SRBD1: variants seen among roughly 807,000 people sequenced by gnomAD.
SRBD1 encodes the protein S1 RNA binding domain 1.
In SRBD1, 88 loss-of-function variants were observed where a neutral mutation model predicts 115.3. The ratio of observed to expected loss-of-function variants is 0.76; its 90% CI spans 0.64 to 0.91. SRBD1 has a LOEUF of 0.91. Ranked by LOEUF, SRBD1 falls within the 40% of genes least tolerant of loss-of-function variation. The probability of loss-of-function intolerance (pLI) is 0.00; values close to 1 mark genes in which losing one functional copy is unlikely to be tolerated. For synonymous variants in SRBD1, 509 were observed against 407.7 expected (o/e 1.25, Z -2.99); for missense variants, 1,385 against 1,177.4 (o/e 1.18, Z -2.58).
intron 16 of SRBD1, among the ~76,000 whole-genome samples, chr2:45,460,813 G>C (rs1280765693): frequency 1.3e-5 from 2 of 152,210 alleles, no homozygotes; most frequent in South Asian, 2.1e-4. Context: ...CTGAAAGTTT[G>C]AGAGGCCCAA....
Position 45,562,750 on chromosome 2 carries a change from C to A in SRBD1, c.1312G>T (p.Ala438Ser). 1 of 1,603,584 alleles carries A rather than the reference C, an allele frequency of 6.2e-7. No individual in the cohort carries two copies. Among genetic ancestry groups the A allele is most frequent in the Admixed American group, 1.7e-5 (1 of 57,204 alleles). Residue 438 changes from alanine to serine, a missense_variant, in exon 10 of 21, where the codon GCA (alanine) becomes TCA (serine). Ala to Ser is a moderately conservative substitution (Grantham distance 99). Transcript: ENST00000263736. ...IRNIHHHQIL[A>S]INRGENLKVL... ...TTCAAATTTTCTCCACGGTTAATTGCCAGAATCTGAGTGCAAACATAAGGC... is the reference window on the plus strand; with the variant it reads ...TTCAAATTTTCTCCACGGTTAATTGACAGAATCTGAGTGCAAACATAAGGC...
chr2:45,533,833 T>C (rs1305490363), intron 14 of SRBD1, among the ~76,000 whole-genome samples: 1 of 152,106 alleles, frequency 6.6e-6, no homozygotes, highest in East Asian at 1.9e-4. Context: ...ACATCTGTTT[T>C]GGTTATAATA....
At chr2:45,505,146 C>A (rs151036191) in intron 14 of SRBD1, among the ~76,000 whole-genome samples, 4 of 152,294 alleles carry the variant, frequency 2.6e-5, no homozygotes, top group African/African-American at 4.8e-5. Flanking sequence ...CAAATGCCCT[C>A]AGCCTCTTCC....
chr2:45,430,469 G>A (rs1333595251), intron 16 of SRBD1, among the ~76,000 whole-genome samples: 1 of 152,080 alleles, frequency 6.6e-6, no homozygotes, highest in Non-Finnish European at 1.5e-5. Flanking sequence ...GAACAAAAAA[G>A]AACCCTCAGC....
intron 19 of SRBD1, among the ~76,000 whole-genome samples, chr2:45,410,207 A>T (rs1667558141): frequency 6.6e-6 from 1 of 152,208 alleles, no homozygotes; most frequent in Non-Finnish European, 1.5e-5. Flanking sequence ...CTTTCCACAC[A>T]CATTAGAATG....
At chr2:45,489,705 T>A (rs1670234440) in intron 14 of SRBD1, among the ~76,000 whole-genome samples, 1 of 152,134 alleles carries the variant, frequency 6.6e-6, no homozygotes, top group African/African-American at 2.4e-5. Flanking sequence ...AGGTTCCATT[T>A]TGGGGATAAG....
intron 14 of SRBD1, among the ~76,000 whole-genome samples, chr2:45,545,974 T>C (rs1672107791): frequency 6.6e-6 from 1 of 152,246 alleles, no homozygotes; most frequent in Non-Finnish European, 1.5e-5. Context: ...CTTTTAGTTA[T>C]TAGTTTTCTC....
chr2:45,474,074 C>T (rs555683701), intron 16 of SRBD1, among the ~76,000 whole-genome samples: 5 of 152,266 alleles, frequency 3.3e-5, no homozygotes, highest in Admixed American at 6.5e-5. Context: ...CATTTTAATC[C>T]TGATAATTAC....
intron 11 of SRBD1, among the ~76,000 whole-genome samples, 194 bp downstream of exon 11, chr2:45,553,429 A>G (rs1374773449): frequency 6.6e-6 from 1 of 152,230 alleles, no homozygotes; most frequent in Non-Finnish European, 1.5e-5. Context: ...ATCATAATTA[A>G]GAACTATTTT....
Position 45,393,123 on chromosome 2 carries a change from C to T in SRBD1, c.2520G>A (p.Leu840=), listed in dbSNP as rs1451910183. The part of the protein sequence containing the change: ...PESYDIAMRF[L]SSIGGTLYEV... ...CATACAGTGTCCCTCCAATGGATGA[C>T]AAAAACCTGCAGTGGAAAAAATAAA... The change falls in exon 20 of 21, where the codon TTG becomes TTA. Residue 840 remains leucine (L), a synonymous_variant. Coordinates refer to ENST00000263736, the MANE Select transcript of SRBD1 (RefSeq NM_018079.5). 1 of 1,599,394 alleles carries T rather than the reference C, an allele frequency of 6.3e-7. No individual in the cohort carries two copies. The highest frequency in any genetic ancestry group is 8.5e-7 in the Non-Finnish European group (1 of 1,175,034).
At chr2:45,445,112 G>C (rs994070768) in intron 16 of SRBD1, among the ~76,000 whole-genome samples, 1 of 152,152 alleles carries the variant, frequency 6.6e-6, no homozygotes, top group Non-Finnish European at 1.5e-5. Flanking sequence ...ATTTAAGAGT[G>C]ACAATTGTCT....
intron 16 of SRBD1, among the ~76,000 whole-genome samples, chr2:45,438,754 G>A (rs1418462656): frequency 1.3e-5 from 2 of 152,076 alleles, no homozygotes; most frequent in African/African-American, 4.8e-5. Context: ...AGATCACAAT[G>A]CACAACTATA....
intron 19 of SRBD1, among the ~76,000 whole-genome samples, chr2:45,402,961 T>C (rs1467480841): frequency 6.6e-6 from 1 of 152,184 alleles, no homozygotes; most frequent in Admixed American, 6.6e-5. Flanking sequence ...AGGCTGTTTC[T>C]GGGTCTCATT....
intron 3 of SRBD1, among the ~76,000 whole-genome samples, chr2:45,600,693 A>C (rs1674065521): frequency 6.6e-6 from 1 of 152,172 alleles, no homozygotes; most frequent in Non-Finnish European, 1.5e-5. Flanking sequence ...AGTGTGAAGA[A>C]ATGAGACTTG....
At chr2:45,479,678 G>A (rs1669904063) in intron 15 of SRBD1, among the ~76,000 whole-genome samples, 1 of 152,230 alleles carries the variant, frequency 6.6e-6, no homozygotes, top group African/African-American at 2.4e-5. Flanking sequence ...AGGTGAAACA[G>A]CAATTGCTGA....
At chr2:45,602,738 A>G (rs1472106422) in intron 2 of SRBD1, among the ~76,000 whole-genome samples, 1 of 152,246 alleles carries the variant, frequency 6.6e-6, no homozygotes, top group Non-Finnish European at 1.5e-5. Context: ...TTAAAGGACC[A>G]TCATGCTCCT....
chr2:45,551,006 A>G (rs1229728697), intron 12 of SRBD1, 119 bp downstream of exon 12: 1 of 1,274,920 alleles, frequency 7.8e-7, no homozygotes, highest in Non-Finnish European at 1.0e-6. Context: ...CCTGTATGTG[A>G]GAAAACCACT....
At chr2:45,551,014 A>G (rs1350611042) in intron 12 of SRBD1, 111 bp downstream of exon 12, 2 of 1,340,314 alleles carry the variant, frequency 1.5e-6, no homozygotes, top group Admixed American at 3.1e-5. Context: ...TGAGAAAACC[A>G]CTTTTTAAGC....
intron 16 of SRBD1, among the ~76,000 whole-genome samples, 190 bp from the exon 17 acceptor site, chr2:45,420,084 G>A (rs927973019): frequency 6.6e-6 from 1 of 152,148 alleles, no homozygotes; most frequent in South Asian, 2.1e-4. Flanking sequence ...TTTAAGCTAT[G>A]CATATATACC....
Sources: allele counts gnomAD v4.1 joint callset (sites outside exome capture counted in the v4.1 genomes callset), GRCh38; gene constraint gnomAD v4.1.1; transcripts MANE v1.5; gene names NCBI Gene and HGNC (gene_info 2026-07-23, HGNC 2026-07-21).